Variants in CCSER1 observed in about 807,000 individuals in gnomAD.
CCSER1 encodes coiled-coil serine rich protein 1, also known as serine-rich coiled-coil domain-containing protein 1.
CCSER1 carries 41 observed loss-of-function variants against 82.0 expected under a neutral mutation model. The ratio of observed to expected loss-of-function variants is 0.50; its 90% CI spans 0.39 to 0.65. The LOEUF is 0.65. Among genes scored for constraint, CCSER1 ranks in the 30% least tolerant of loss-of-function variants. CCSER1 has a pLI of 0.00. For missense variants in CCSER1, 1,119 were observed against 1,064.2 expected (o/e 1.05, Z -0.72); for synonymous variants, 414 against 383.9 (o/e 1.08, Z -0.92).
At chr4:90,925,060 G>T (rs1344296140) in intron 9 of CCSER1, among the ~76,000 whole-genome samples, 3 of 152,104 alleles carry the variant, frequency 2.0e-5, no homozygotes, top group African/African-American at 7.2e-5. Flanking sequence ...TTATATGCTA[G>T]TCCTTAGGAT....
At position 90,579,330 on chromosome 4, in the gene CCSER1, G is replaced by A. The variant is rs191863686; in HGVS notation, c.1725-48695G>A. ...GTCATTTTGAACAATTTGAGGTGAC[G>A]ACTTTACTAAGTGTTCTCTAATCTG... On this transcript the variant is annotated intron_variant, in intron 5 of 10. Coordinates refer to ENST00000509176, the MANE Select transcript of CCSER1 (RefSeq NM_001145065.2). 1.6e-3 allele frequency among the ~76,000 whole-genome samples: 251 copies of A among 152,232 alleles called. 1 individual carries two copies. The highest frequency in any genetic ancestry group is 5.8e-3 in the African/African-American group (242 of 41,534).
At chr4:90,778,640 T>C (rs1580424762) in intron 7 of CCSER1, among the ~76,000 whole-genome samples, 1 of 152,086 alleles carries the variant, frequency 6.6e-6, no homozygotes. Flanking sequence ...CATCTTGCCA[T>C]GTGCTTGTGG....
intron 10 of CCSER1, among the ~76,000 whole-genome samples, chr4:91,157,724 A>C (rs569099730): frequency 6.6e-6 from 1 of 152,042 alleles, no homozygotes; most frequent in South Asian, 2.1e-4. Flanking sequence ...TGAAATGTCA[A>C]ACCTGATGCC....
At chr4:90,303,941 A>G (rs185065493) in intron 1 of CCSER1, among the ~76,000 whole-genome samples, 4,329 of 152,226 alleles carry the variant, frequency 0.028, 64 homozygotes, top group South Asian at 0.049. Flanking sequence ...CAATGAACTC[A>G]AACAAATTTA....
intron 5 of CCSER1, among the ~76,000 whole-genome samples, chr4:90,592,225 A>T (rs1370853391): frequency 6.6e-6 from 1 of 152,194 alleles, no homozygotes; most frequent in African/African-American, 2.4e-5. Flanking sequence ...AAATAAAAAA[A>T]GAAAAAGAAA....
chr4:90,501,798 T>C (rs912579669), intron 5 of CCSER1, among the ~76,000 whole-genome samples: 1 of 152,202 alleles, frequency 6.6e-6, no homozygotes, highest in African/African-American at 2.4e-5. Context: ...CCTTTATATG[T>C]AGACTGCAGT....
chr4:90,413,981 A>AAAAATATATATATATATATATATAT (rs1560481885), intron 4 of CCSER1, among the ~76,000 whole-genome samples: 1 of 52,454 alleles, frequency 1.9e-5, no homozygotes, highest in African/African-American at 1.0e-4. Context: ...AAAAAAAAAA[A>AAAAATATATATATATATATATATAT]ATATATATAT....
chr4:91,123,164 A>G (rs566638763), intron 10 of CCSER1, among the ~76,000 whole-genome samples: 1 of 151,840 alleles, frequency 6.6e-6, no homozygotes, highest in African/African-American at 2.4e-5. Flanking sequence ...GAGCATACCC[A>G]TGAAGTTTAT....
At chr4:90,439,001 T>A (rs919407867) in intron 4 of CCSER1, among the ~76,000 whole-genome samples, 3 of 152,272 alleles carry the variant, frequency 2.0e-5, no homozygotes, top group South Asian at 4.1e-4. Context: ...TTCATTTTTT[T>A]AAAAAGCCTT....
At chr4:91,182,688 C>A (rs1464187395) in intron 10 of CCSER1, among the ~76,000 whole-genome samples, 1 of 152,152 alleles carries the variant, frequency 6.6e-6, no homozygotes, top group Non-Finnish European at 1.5e-5. Context: ...GAATGCCCAT[C>A]ACCACAAAAC....
At chr4:90,716,756 C>T (rs908545893) in intron 6 of CCSER1, among the ~76,000 whole-genome samples, 27 of 149,092 alleles carry the variant, frequency 1.8e-4, no homozygotes, top group Non-Finnish European at 2.9e-4. Context: ...GGTTTGTATA[C>T]GTACACTCTG....
chr4:90,410,718 G>A (rs1191212691), intron 4 of CCSER1, among the ~76,000 whole-genome samples: 1 of 151,442 alleles, frequency 6.6e-6, no homozygotes, highest in Non-Finnish European at 1.5e-5. Flanking sequence ...CAATTAACTA[G>A]AGAAGCAAGA....
intron 10 of CCSER1, among the ~76,000 whole-genome samples, chr4:91,151,534 C>G (rs1413713277): frequency 6.6e-6 from 1 of 152,072 alleles, no homozygotes; most frequent in Non-Finnish European, 1.5e-5. Flanking sequence ...TGTATTTGCT[C>G]TTGCTTCTCT....
chr4:90,246,581 A>T (rs1479269061), intron 1 of CCSER1, among the ~76,000 whole-genome samples: 1 of 152,076 alleles, frequency 6.6e-6, no homozygotes, highest in Non-Finnish European at 1.5e-5. Context: ...TGAAATGTTT[A>T]TTGAGTCTCT....
intron 6 of CCSER1, among the ~76,000 whole-genome samples, chr4:90,708,605 A>G (rs1320573297): frequency 6.6e-6 from 1 of 152,068 alleles, no homozygotes; most frequent in African/African-American, 2.4e-5. Flanking sequence ...CAACATAGTC[A>G]CTTAGGTCAG....
In CCSER1 at chr4:90,898,269, CTTTTTTTTTTTTTTT is replaced by C. The variant is rs70963094; in HGVS notation, c.2095-25085_2095-25071del. Among the ~76,000 whole-genome samples, 8 of 52,540 alleles carry C rather than the reference CTTTTTTTTTTTTTTT, an allele frequency of 1.5e-4. 1 individual carries two copies. The highest frequency in any genetic ancestry group is 0.04 in the Middle Eastern group (2 of 50). 34.5% of individuals were successfully genotyped at this position (52,540 alleles called of 152,430 possible). A position where few individuals can be genotyped will look rare whatever the true frequency, so the allele number is the denominator to read the frequency against. On this transcript the variant is annotated intron_variant, in intron 8 of 10. Coordinates refer to ENST00000509176, the MANE Select transcript of CCSER1 (RefSeq NM_001145065.2). ...CCTTACTTTTAAATCTTTAATCCAT[CTTTTTTTTTTTTTTT>C]TTTTTTTTTTTTTTTGAGACAGAGT...
chr4:90,940,315 A>C, intron 9 of CCSER1, among the ~76,000 whole-genome samples: 6 of 145,306 alleles, frequency 4.1e-5, no homozygotes, highest in Admixed American at 7.0e-5. Flanking sequence ...TTCCTTCCTT[A>C]TCCCTCCCTT....
intron 9 of CCSER1, among the ~76,000 whole-genome samples, chr4:91,019,156 C>G (rs145580832): frequency 7.3e-5 from 11 of 151,584 alleles, no homozygotes; most frequent in Middle Eastern, 3.4e-3. Flanking sequence ...TCTCGGTGTG[C>G]TGTTTCAAGA....
chr4:90,701,163 A>T (rs1032844135), intron 6 of CCSER1, among the ~76,000 whole-genome samples: 1 of 152,216 alleles, frequency 6.6e-6, no homozygotes, highest in Non-Finnish European at 1.5e-5. Context: ...TTTTTGTAGA[A>T]GGTATAAGGA....
Sources: gnomAD v4.1 joint callset for allele counts (sites outside exome capture counted in the v4.1 genomes callset) on GRCh38, gnomAD v4.1.1 for gene constraint, MANE v1.5 for transcripts, NCBI Gene and HGNC (gene_info 2026-07-23, HGNC 2026-07-21) for gene names.